Variants in KCNH1 observed in about 807,000 individuals in gnomAD.
KCNH1 encodes voltage-gated delayed rectifier potassium channel KCNH1.
A neutral mutation model predicts 69.2 loss-of-function variants in KCNH1; 27 were observed. That is an observed-to-expected ratio of 0.39 (90% CI 0.29 to 0.54). The LOEUF is 0.54. Among genes scored for constraint, KCNH1 ranks in the 20% least tolerant of loss-of-function variants. The pLI is 0.68. For synonymous variants in KCNH1, 456 were observed against 487.7 expected, an observed-to-expected ratio of 0.93 and a Z score of 0.86; for missense variants, 798 against 1,261.6, an observed-to-expected ratio of 0.63 and a Z score of 5.57.
In KCNH1 at chr1:210,952,553, T is replaced by C. The variant is rs145555012; in HGVS notation, c.1033-32484A>G. 8.2e-4 allele frequency among the ~76,000 whole-genome samples: 125 copies of C among 152,268 alleles called. 1 individual carries two copies. Among genetic ancestry groups the C allele is most frequent in the Non-Finnish European group, 1.2e-3 (81 of 68,016 alleles). On this transcript the variant is annotated intron_variant, in intron 6 of 10. Coordinates refer to ENST00000271751, the MANE Select transcript of KCNH1 (RefSeq NM_172362.3). ...ACAGAGCTCTGAGCTAGAATAAAGA[T>C]TAAAGTGTGTCATTTCTGTTGCCCT...
chr1:210,934,919 A>G (rs1443710073), intron 6 of KCNH1, among the ~76,000 whole-genome samples: 1 of 152,048 alleles, frequency 6.6e-6, no homozygotes, highest in East Asian at 1.9e-4. Flanking sequence ...CACTGTAGAC[A>G]ACAGTAAGGA....
chr1:211,023,838 CG>C (rs1379122677), intron 5 of KCNH1, among the ~76,000 whole-genome samples: 4 of 151,978 alleles, frequency 2.6e-5, no homozygotes, highest in African/African-American at 4.8e-5. Flanking sequence ...CAATAAAAAT[CG>C]TTTTTTAAAA....
intron 9 of KCNH1, among the ~76,000 whole-genome samples, chr1:210,792,299 C>A (rs1684226086): frequency 6.6e-6 from 1 of 152,136 alleles, no homozygotes; most frequent in African/African-American, 2.4e-5. Context: ...TCCTGTCAAC[C>A]CCCTTTCTAA....
intron 10 of KCNH1, among the ~76,000 whole-genome samples, chr1:210,734,660 C>T (rs1052189922): frequency 6.6e-6 from 1 of 152,048 alleles, no homozygotes; most frequent in African/African-American, 2.4e-5. Context: ...CTCTTCTGCC[C>T]CTCTGCACCA....
intron 10 of KCNH1, among the ~76,000 whole-genome samples, chr1:210,747,311 G>T (rs1156476932): frequency 1.3e-5 from 2 of 151,998 alleles, no homozygotes; most frequent in Non-Finnish European, 2.9e-5. Context: ...TGCCAACCTG[G>T]GTTGTGCAGC....
chr1:210,933,668 C>A (rs889048473), intron 6 of KCNH1, among the ~76,000 whole-genome samples: 1 of 151,658 alleles, frequency 6.6e-6, no homozygotes, highest in African/African-American at 2.4e-5. Context: ...AGAGATAAGA[C>A]CCAAGTAAAT....
At chr1:211,050,260 TAAA>T (rs747498526) in intron 5 of KCNH1, among the ~76,000 whole-genome samples, 30 of 58,554 alleles carry the variant, frequency 5.1e-4, no homozygotes, top group East Asian at 1.8e-3. Context: ...CACACATTCT[TAAA>T]AAAAAAAAAA....
At chr1:210,976,393 A>G (rs943896472) in intron 6 of KCNH1, among the ~76,000 whole-genome samples, 3 of 148,314 alleles carry the variant, frequency 2.0e-5, no homozygotes, top group African/African-American at 7.3e-5. Context: ...AATGTGGCAC[A>G]TACAATGAGA....
intron 10 of KCNH1, among the ~76,000 whole-genome samples, chr1:210,752,252 A>C (rs1019619767): frequency 2.0e-5 from 3 of 152,220 alleles, no homozygotes; most frequent in Non-Finnish European, 4.4e-5. Context: ...GAAAGTCAAC[A>C]AAAGGTTGTT....
intron 6 of KCNH1, among the ~76,000 whole-genome samples, chr1:211,000,232 G>A (rs1221343584): frequency 2.0e-5 from 3 of 152,198 alleles, no homozygotes; most frequent in Admixed American, 6.5e-5. Context: ...GTCCCTGTTT[G>A]CAGATGTCAT....
At chr1:210,854,141 A>G (rs1379653166) in intron 7 of KCNH1, among the ~76,000 whole-genome samples, 1 of 152,124 alleles carries the variant, frequency 6.6e-6, no homozygotes, top group Non-Finnish European at 1.5e-5. Context: ...AGAGAAAAGG[A>G]GCCTTTTTAT....
chr1:210,713,389 T>C lies in KCNH1; in HGVS notation c.2113-29251A>G, dbSNP rs115383427. Among the ~76,000 whole-genome samples, 384 of 152,314 alleles carry C rather than the reference T, an allele frequency of 2.5e-3. 2 individuals are homozygous for C. Among genetic ancestry groups the C allele is most frequent in the African/African-American group, 8.9e-3 (369 of 41,566 alleles). ...AGTGTCCAAATCATGCTTTCAGCAC[T>C]GAAGATGCAGTTCTGCTCTGACTTT... On this transcript the variant is annotated intron_variant, in intron 10 of 10. Coordinates refer to ENST00000271751, the MANE Select transcript of KCNH1 (RefSeq NM_172362.3).
Position 211,034,047 on chromosome 1 carries a change from T to A in KCNH1, c.559-14791A>T, listed in dbSNP as rs188149546. Among the ~76,000 whole-genome samples, 482 of 152,274 alleles carry A rather than the reference T, an allele frequency of 3.2e-3. 3 individuals are homozygous for A. Among genetic ancestry groups the A allele is most frequent in the Middle Eastern group, 0.014 (4 of 294 alleles). ...TTGGCAGTTTATTAACAACTAAATATGCAACTACCATATGACCTAGCAATT... is the reference window on the plus strand; with the variant it reads ...TTGGCAGTTTATTAACAACTAAATAAGCAACTACCATATGACCTAGCAATT... On this transcript the variant is annotated intron_variant, in intron 5 of 10. Transcript: ENST00000271751.
chr1:211,010,282 A>G (rs1218056269), intron 6 of KCNH1, among the ~76,000 whole-genome samples: 1 of 152,132 alleles, frequency 6.6e-6, no homozygotes, highest in Non-Finnish European at 1.5e-5. Context: ...AGTAGGTTCA[A>G]GGAATGGGAG....
intron 6 of KCNH1, among the ~76,000 whole-genome samples, chr1:210,923,458 T>C (rs1471680599): frequency 6.6e-6 from 1 of 152,206 alleles, no homozygotes; most frequent in Non-Finnish European, 1.5e-5. Context: ...CCTTCCTCAG[T>C]GGCCACCACA....
chr1:211,070,456 C>CAA (rs1690621196), intron 5 of KCNH1, among the ~76,000 whole-genome samples: 1 of 150,006 alleles, frequency 6.7e-6, no homozygotes. Flanking sequence ...CACACACACA[C>CAA]ACAAACAAAC....
At chr1:210,793,023 A>T (rs1044515342) in intron 9 of KCNH1, among the ~76,000 whole-genome samples, 2 of 152,230 alleles carry the variant, frequency 1.3e-5, no homozygotes, top group African/African-American at 4.8e-5. Flanking sequence ...TTCTATAAAA[A>T]ATTAAAAGAA....
At chr1:211,102,470 T>C (rs1421844066) in intron 3 of KCNH1, among the ~76,000 whole-genome samples, 2 of 151,820 alleles carry the variant, frequency 1.3e-5, no homozygotes, top group Non-Finnish European at 2.9e-5. Flanking sequence ...GCAGAGGGAG[T>C]GAACTGGAGC....
intron 7 of KCNH1, among the ~76,000 whole-genome samples, chr1:210,843,049 C>T (rs1423166649): frequency 6.6e-6 from 1 of 152,138 alleles, no homozygotes; most frequent in Non-Finnish European, 1.5e-5. Flanking sequence ...CTAAAATGTC[C>T]TTGGTGAAAG....
Sources: allele counts gnomAD v4.1 joint callset (sites outside exome capture counted in the v4.1 genomes callset), GRCh38; gene constraint gnomAD v4.1.1; transcripts MANE v1.5; gene names NCBI Gene and HGNC (gene_info 2026-07-23, HGNC 2026-07-21).